Variants in DRD2 observed in about 807,000 individuals in gnomAD.
The protein encoded by DRD2 is D(2) dopamine receptor.
A neutral mutation model predicts 38.0 loss-of-function variants in DRD2; 8 were observed. That is an observed-to-expected ratio of 0.21 (90% confidence interval 0.12 to 0.38). DRD2 has a LOEUF of 0.38. Ranked by LOEUF, DRD2 falls within the 10% of genes least tolerant of loss-of-function variation. The pLI is 1.00. For synonymous variants in DRD2, 230 were observed against 238.6 expected (o/e 0.96, Z 0.33); for missense variants, 403 against 607.7 (o/e 0.66, Z 3.54).
At chr11:113,413,219 A>T (rs989498888) in intron 6 of DRD2, 11 of 628,034 alleles carry the variant, frequency 1.8e-5, no homozygotes, top group Admixed American at 7.6e-5. Context: ...TGCTGGGGTC[A>T]AGAGCTGATG....
At chr11:113,415,819 A>G (rs1950820440) in intron 4 of DRD2, among the ~76,000 whole-genome samples, 1 of 152,190 alleles carries the variant, frequency 6.6e-6, no homozygotes, top group Admixed American at 6.5e-5. Flanking sequence ...GTGAGCAAAA[A>G]GTTAAGCTGT....
intron 1 of DRD2, among the ~76,000 whole-genome samples, chr11:113,428,601 G>A (rs1950959835): frequency 6.6e-6 from 1 of 152,260 alleles, no homozygotes; most frequent in Admixed American, 6.5e-5. Context: ...GAACTTCCTG[G>A]AGGAGGGAGG....
intron 7 of DRD2, 21 bp from the exon 8 acceptor site, chr11:113,410,941 A>G (rs1950763738): frequency 1.3e-6 from 2 of 1,599,070 alleles, no homozygotes; most frequent in Admixed American, 3.4e-5. Flanking sequence ...GGGCATGGTC[A>G]GGCTGGTCCC....
intron 1 of DRD2, among the ~76,000 whole-genome samples, chr11:113,458,102 C>T (rs868064939): frequency 1.3e-5 from 2 of 152,212 alleles, no homozygotes; most frequent in African/African-American, 2.4e-5. Context: ...GTGACACAGC[C>T]GAGACCTGCA....
chr11:113,432,288 TTC>T (rs56097058), intron 1 of DRD2, among the ~76,000 whole-genome samples: 3,636 of 136,280 alleles, frequency 0.027, 85 homozygotes, highest in African/African-American at 0.055. Flanking sequence ...GATCCTCTCT[TTC>T]TCTCTCTCTC....
intron 1 of DRD2, among the ~76,000 whole-genome samples, chr11:113,463,099 T>C (rs1951338364): frequency 6.6e-6 from 1 of 152,244 alleles, no homozygotes. Context: ...GGTGGTGCTG[T>C]AGCCCCATCA....
intron 1 of DRD2, among the ~76,000 whole-genome samples, chr11:113,435,629 C>T (rs1395239106): frequency 6.8e-6 from 1 of 147,384 alleles, no homozygotes; most frequent in Admixed American, 6.8e-5. Context: ...CTGTATTCCT[C>T]CCCCCGCCCC....
intron 5 of DRD2, 69 bp from the exon 6 acceptor site, chr11:113,414,530 G>T (rs2138160519): frequency 6.5e-7 from 1 of 1,529,436 alleles, no homozygotes; most frequent in Non-Finnish European, 9.1e-7. Flanking sequence ...AACCCAAAGT[G>T]CAGCAGTCCA....
At chr11:113,439,632 G>T (rs1951068275) in intron 1 of DRD2, among the ~76,000 whole-genome samples, 1 of 151,764 alleles carries the variant, frequency 6.6e-6, no homozygotes, top group Non-Finnish European at 1.5e-5. Context: ...TTGAGGTCAG[G>T]AGTTCGAGAC....
At chr11:113,458,742 T>C (rs931208469) in intron 1 of DRD2, among the ~76,000 whole-genome samples, 2 of 152,242 alleles carry the variant, frequency 1.3e-5, no homozygotes, top group African/African-American at 2.4e-5. Context: ...TACTTCTATA[T>C]TTAAAAGCAG....
chr11:113,474,804 C>A (rs1032820764), intron 1 of DRD2, among the ~76,000 whole-genome samples: 5 of 151,874 alleles, frequency 3.3e-5, no homozygotes, highest in Admixed American at 3.3e-4. Flanking sequence ...GCCCCAGCTG[C>A]GCCCGCTCGT....
chr11:113,442,418 C>G (rs1951103595), intron 1 of DRD2, among the ~76,000 whole-genome samples: 1 of 152,306 alleles, frequency 6.6e-6, no homozygotes, highest in Non-Finnish European at 1.5e-5. Context: ...GAATGATGCT[C>G]TCAGATCCTC....
intron 1 of DRD2, among the ~76,000 whole-genome samples, chr11:113,463,905 G>C (rs929525990): frequency 6.6e-6 from 1 of 152,170 alleles, no homozygotes; most frequent in African/African-American, 2.4e-5. Flanking sequence ...GTGATACCTG[G>C]GCTCTGTTTT....
chr11:113,446,581 T>G (rs1201378457), intron 1 of DRD2, among the ~76,000 whole-genome samples: 2 of 152,218 alleles, frequency 1.3e-5, no homozygotes, highest in African/African-American at 4.8e-5. Context: ...TTTGTCTAGT[T>G]GCAAAACCTC....
chr11:113,462,418 A>ATCAACACC (rs1470608618), intron 1 of DRD2, among the ~76,000 whole-genome samples: 3 of 152,316 alleles, frequency 2.0e-5, no homozygotes, highest in African/African-American at 7.2e-5. Flanking sequence ...TGGACCCTAA[A>ATCAACACC]TCAACACCTG....
chr11:113,413,484 C>G (rs1479561393), intron 6 of DRD2: 1 of 414,638 alleles, frequency 2.4e-6, no homozygotes, highest in Middle Eastern at 3.6e-4. Context: ...TGGGTTCTTC[C>G]ATAGGTTCTC....
At chr11:113,425,623 G>A (rs538756875) in intron 1 of DRD2, among the ~76,000 whole-genome samples, 3 of 152,056 alleles carry the variant, frequency 2.0e-5, no homozygotes, top group East Asian at 3.9e-4. Context: ...GAGTGGAAGC[G>A]GGACACCAAC....
rs1262040926 is a variant in DRD2 at position 113,415,621 on chromosome 11, G to A, written c.533-10C>T. The A allele has an allele frequency of 6.2e-7, 1 of 1,606,810 alleles. No homozygotes were observed. The highest frequency in any genetic ancestry group is 8.5e-7 in the Non-Finnish European group (1 of 1,176,356). On this transcript the variant is annotated splice_polypyrimidine_tract_variant and intron_variant, in intron 4 of 7. Coordinates refer to ENST00000362072, the MANE Select transcript of DRD2 (RefSeq NM_000795.4). ...ATGCACTCGTTCTGGTCTGGGGGAG[G>A]GAGAGCCCGGGCAGGCAGGGAGTCA...
rs548716094 is a variant in DRD2 at position 113,465,590 on chromosome 11, T to TA, written c.-32+9485dup. ...AGGCCCCTGCCTAAGCCTTTGGCCT[T>TA]ACCTTGTACCATCTTCACTTCAAAT... On this transcript the variant is annotated intron_variant, in intron 1 of 7. Transcript: ENST00000362072. 4.6e-5 allele frequency among the ~76,000 whole-genome samples: 7 copies of TA among 152,330 alleles called. 1 individual carries two copies. In the East Asian group the frequency reaches 1.4e-3, roughly 29 times the overall value.
Sources: gnomAD v4.1 joint callset for allele counts (sites outside exome capture counted in the v4.1 genomes callset) on GRCh38, gnomAD v4.1.1 for gene constraint, MANE v1.5 for transcripts, NCBI Gene and HGNC (gene_info 2026-07-23, HGNC 2026-07-21) for gene names.